Variants in THAP9 observed in about 807,000 individuals in gnomAD.
THAP9 encodes the protein THAP domain containing 9.
In THAP9, 20 loss-of-function variants were observed where a neutral mutation model predicts 35.7. That is an observed-to-expected ratio of 0.56 (90% confidence interval 0.39 to 0.81). THAP9 has a LOEUF of 0.81. THAP9 is among the 40% of genes least tolerant of loss of function. The pLI is 0.00. For missense variants in THAP9, 870 were observed against 1,047.4 expected (o/e 0.83, Z 2.34); for synonymous variants, 335 against 373.7 (o/e 0.90, Z 1.19).
intron 4 of THAP9, among the ~76,000 whole-genome samples, chr4:82,909,659 T>C (rs914710997): frequency 6.6e-6 from 1 of 152,188 alleles, no homozygotes; most frequent in Non-Finnish European, 1.5e-5. Flanking sequence ...TTTGGGGTTA[T>C]AATTGTTTTT....
chr4:82,910,409 G>A (rs1720821733), intron 4 of THAP9: 1 of 150,496 alleles, frequency 6.6e-6, no homozygotes, highest in South Asian at 2.1e-4. Flanking sequence ...ACTACAGTTA[G>A]CAGTTTTGTG....
At chr4:82,911,745 G>A (rs1415064613) in intron 4 of THAP9, among the ~76,000 whole-genome samples, 1 of 152,174 alleles carries the variant, frequency 6.6e-6, no homozygotes, top group African/African-American at 2.4e-5. Context: ...CATTGCTTCT[G>A]TTTTCTCAAA....
intron 4 of THAP9, chr4:82,910,650 T>C (rs1720835263): frequency 1.9e-6 from 1 of 513,626 alleles, no homozygotes. Context: ...ATTAGATCTT[T>C]ATAATCATTA....
rs1198599560 is a variant in THAP9 at position 82,917,446 on chromosome 4, T to G, written c.1234T>G (p.Phe412Val). 1 of 1,614,002 alleles carries G rather than the reference T, an allele frequency of 6.2e-7. No homozygotes were observed. Among genetic ancestry groups the G allele is most frequent in the Non-Finnish European group, 8.5e-7 (1 of 1,179,974 alleles). ...ATCTTCTAGTCAACAGATTGCATAC[T>G]TCTTTGACTCTTGCCACTTGCTAAG... ...PSSSSQQIAY[F>V]FDSCHLLRLI... Residue 412 changes from phenylalanine to valine, a missense_variant, in exon 5 of 5, where the codon TTC becomes GTC. Coordinates refer to ENST00000302236, the MANE Select transcript of THAP9 (RefSeq NM_024672.6).
At position 82,906,496 on chromosome 4, in the gene THAP9, A is replaced by G. The variant is rs774355752; in HGVS notation, c.449A>G (p.Lys150Arg). Residue 150 changes from lysine to arginine, a missense_variant, in exon 3 of 5, where the codon AAA (lysine) becomes AGA (arginine). By Grantham distance (26) the Lys-to-Arg change is conservative (BLOSUM62 2). Around this residue, in one of 3 missense-constraint regions of THAP9, gnomAD observed 440 missense variants for 501.2 expected, o/e 0.88. Transcript: ENST00000302236. ...GTGCAACAAATGTTACAAGTGTCCA[A>G]AAAAAGACTTATCTCCGTAAAGAAC... is the stretch of plus-strand genomic sequence containing the variant. ...AEVQQMLQVS[K>R]KRLISVKNYR... 37 of 1,613,750 alleles carry G rather than the reference A, an allele frequency of 2.3e-5. No individual in the cohort carries two copies. The Middle Eastern group carries it at 1.2e-3, about 50-fold the overall frequency.
chr4:82,911,018 G>A (rs1720847373), intron 4 of THAP9, among the ~76,000 whole-genome samples: 1 of 152,166 alleles, frequency 6.6e-6, no homozygotes, highest in Admixed American at 6.5e-5. Flanking sequence ...GGGTCTGTAG[G>A]TAGAAAGGAA....
chr4:82,905,079 A>T, intron 2 of THAP9, 148 bp downstream of exon 2: 1 of 629,244 alleles, frequency 1.6e-6, no homozygotes, highest in Non-Finnish European at 2.6e-6. Flanking sequence ...AAAATTTAAA[A>T]AAAAAATTAT....
Position 82,904,001 on chromosome 4 carries a change from T to C in THAP9, c.81-735T>C, listed in dbSNP as rs568207564. Among the ~76,000 whole-genome samples the C allele has an allele frequency of 1.1e-4, 17 of 151,994 alleles. No individual in the cohort carries two copies. In the South Asian group the frequency reaches 3.5e-3, roughly 32 times the overall value. ...TGTCACATGTTCTTTTTCCATTCCT[T>C]AGCAAATCACTAACTCTAGCCCATA... is the stretch of plus-strand genomic sequence containing the variant. On this transcript the variant is annotated intron_variant, in intron 1 of 4. Coordinates refer to ENST00000302236, the MANE Select transcript of THAP9 (RefSeq NM_024672.6).
rs1173027259 is a variant in THAP9, at chr4:82,917,613, T to C, written c.1401T>C (p.Asn467=). ...NMERIPSTLA[N]LKNHVLKVNS... ...AAAGAATACCAAGTACACTTGCAAA[T>C]TTGAAAAATCATGTACTGAAAGTGA... Residue 467 remains asparagine (N), a synonymous_variant, in exon 5 of 5, where the codon AAT becomes AAC. Transcript: ENST00000302236. The C allele has an allele frequency of 1.9e-6, 3 of 1,613,894 alleles. No homozygotes were observed. The highest frequency in any genetic ancestry group is 2.5e-6 in the Non-Finnish European group (3 of 1,179,958).
At position 82,904,718 on chromosome 4, in the gene THAP9, T is replaced by C. The variant is rs1720571873; in HGVS notation, c.81-18T>C. Reference sequence around the variant, plus strand: ...ATAATGTTTTCATGTTAATGGAACTTTAATGTGATTGTCATAGATTTCCAA... The same window carrying C: ...ATAATGTTTTCATGTTAATGGAACTCTAATGTGATTGTCATAGATTTCCAA... On this transcript the variant is annotated intron_variant, in intron 1 of 4. Coordinates refer to ENST00000302236, the MANE Select transcript of THAP9 (RefSeq NM_024672.6). The C allele has an allele frequency of 6.2e-7, 1 of 1,613,026 alleles. No individual in the cohort carries two copies. Among genetic ancestry groups the C allele is most frequent in the South Asian group, 1.1e-5 (1 of 91,066 alleles).
At chr4:82,906,683 C>T in intron 3 of THAP9, 56 bp downstream of exon 3, 1 of 1,469,060 alleles carries the variant, frequency 6.8e-7, no homozygotes, top group Non-Finnish European at 9.1e-7. Context: ...TTCTGAGGTA[C>T]CATTAAGTAT....
At chr4:82,905,282 CTAA>C (rs1261408190) in intron 2 of THAP9, among the ~76,000 whole-genome samples, 4 of 152,020 alleles carry the variant, frequency 2.6e-5, no homozygotes, top group Admixed American at 6.5e-5. Flanking sequence ...TTGGTTCCTC[CTAA>C]TAATGTTATT....
At chr4:82,905,793 A>AG in intron 2 of THAP9, 1 of 450,372 alleles carries the variant, frequency 2.2e-6, no homozygotes, top group Non-Finnish European at 4.5e-6. Flanking sequence ...GCATTGTACT[A>AG]GGAGATTTAC....
chr4:82,918,544 G>A lies in THAP9; in HGVS notation c.2332G>A (p.Val778Ile), dbSNP rs765099685. The change falls in exon 5 of 5, where the codon GTT (valine) becomes ATT (isoleucine). Residue 778 changes from valine (V) to isoleucine (I), a missense_variant. Around this residue, in one of 3 missense-constraint regions of THAP9, gnomAD observed 414 missense variants for 500.8 expected, o/e 0.83. Transcript: ENST00000302236. ...LCRVINICER[V>I]VRTHSRMAIF... Reference sequence around the variant, plus strand: ...TCGGGTCATAAATATTTGTGAGCGAGTTGTAAGAACCCATTCAAGAATGGC... The same window carrying A: ...TCGGGTCATAAATATTTGTGAGCGAATTGTAAGAACCCATTCAAGAATGGC... 5.6e-6 allele frequency: 9 copies of A among 1,614,022 alleles called. 1 individual carries two copies. In the South Asian group the frequency reaches 6.6e-5, roughly 12 times the overall value.
chr4:82,906,635 C>T lies in THAP9; in HGVS notation c.580+8C>T. Reference sequence around the variant, plus strand: ...TACGAGCTCAATTTTCAGGTACTTCCCCCTAGTAACCTGTAGTATTTACAA... The same window carrying T: ...TACGAGCTCAATTTTCAGGTACTTCTCCCTAGTAACCTGTAGTATTTACAA... On this transcript the variant is annotated splice_region_variant and intron_variant, in intron 3 of 4. Coordinates refer to ENST00000302236, the MANE Select transcript of THAP9 (RefSeq NM_024672.6). 6.4e-7 allele frequency: 1 copy of T among 1,573,790 alleles called. No individual in the cohort carries two copies. Among genetic ancestry groups the T allele is most frequent in the African/African-American group, 1.4e-5 (1 of 73,120 alleles).
chr4:82,918,092 C>A lies in THAP9; in HGVS notation c.1880C>A (p.Ser627Tyr). 6.2e-7 allele frequency: 1 copy of A among 1,614,114 alleles called. No homozygotes were observed. Among genetic ancestry groups the A allele is most frequent in the Non-Finnish European group, 8.5e-7 (1 of 1,179,992 alleles). Residue 627 changes from serine (S) to tyrosine (Y), a missense_variant, in exon 5 of 5, where the codon TCT becomes TAT. Transcript: ENST00000302236. Reference sequence around the variant, plus strand: ...CTTAGGCAGGTATTAGTAACAAGTTCTAGCCCTACCTGCATGGCATTCCAG... The same window carrying A: ...CTTAGGCAGGTATTAGTAACAAGTTATAGCCCTACCTGCATGGCATTCCAG... ...KMLRQVLVTS[S>Y]SPTCMAFQKA...
chr4:82,914,030 C>T (rs953665667), intron 4 of THAP9, among the ~76,000 whole-genome samples: 12 of 152,180 alleles, frequency 7.9e-5, no homozygotes, highest in Non-Finnish European at 1.5e-4. Flanking sequence ...AGCCACCGTG[C>T]CCAGCCAGGT....
chr4:82,915,568 T>G (rs1278548117), intron 4 of THAP9, among the ~76,000 whole-genome samples: 1 of 152,146 alleles, frequency 6.6e-6, no homozygotes, highest in Non-Finnish European at 1.5e-5. Context: ...ATAAGTGTGT[T>G]TTTTAAACCT....
At chr4:82,909,156 C>T (rs976299675) in intron 4 of THAP9, among the ~76,000 whole-genome samples, 9 of 148,130 alleles carry the variant, frequency 6.1e-5, no homozygotes, top group East Asian at 4.1e-4. Context: ...CCACCCACCT[C>T]GGCCTCCCAA....
Sources: gnomAD v4.1 joint callset for allele counts (sites outside exome capture counted in the v4.1 genomes callset) on GRCh38, gnomAD v4.1.1 for gene constraint, gnomAD v4.1.1 regional missense constraint, MANE v1.5 for transcripts, NCBI Gene and HGNC (gene_info 2026-07-23, HGNC 2026-07-21) for gene names.